Variants in ST3GAL3 observed in about 807,000 individuals in gnomAD.
ST3GAL3 encodes the protein CMP-N-acetylneuraminate-beta-1,4-galactoside alpha-2,3-sialyltransferase.
Under a neutral mutation model 50.1 loss-of-function variants are expected in ST3GAL3, and 21 were observed. That is an observed-to-expected ratio of 0.42 (90% CI 0.30 to 0.60). The LOEUF (loss-of-function observed/expected upper bound fraction) is 0.60. Ranked by LOEUF, ST3GAL3 falls within the 20% of genes least tolerant of loss-of-function variation. ST3GAL3 has a pLI of 0.19. For synonymous variants in ST3GAL3, 183 were observed against 190.0 expected (o/e 0.96, Z 0.30); for missense variants, 353 against 489.4 (o/e 0.72, Z 2.63).
intron 1 of ST3GAL3, among the ~76,000 whole-genome samples, chr1:43,714,751 C>T (rs753897997): frequency 6.6e-6 from 1 of 152,218 alleles, no homozygotes; most frequent in East Asian, 1.9e-4. Flanking sequence ...CACTTCTCCT[C>T]GGCCTGTCAT....
At chr1:43,718,353 C>A (rs1191227169) in intron 1 of ST3GAL3, among the ~76,000 whole-genome samples, 2 of 151,222 alleles carry the variant, frequency 1.3e-5, no homozygotes, top group African/African-American at 4.9e-5. Flanking sequence ...CCATGCCCAG[C>A]TAATTTTTTG....
chr1:43,750,894 G>C (rs1345883322), intron 2 of ST3GAL3, among the ~76,000 whole-genome samples: 1 of 151,806 alleles, frequency 6.6e-6, no homozygotes, highest in East Asian at 1.9e-4. Context: ...AAAAAAAAAA[G>C]CTATCTTTTA....
At chr1:43,909,150 C>A (rs548577952) in intron 9 of ST3GAL3, among the ~76,000 whole-genome samples, 22 of 152,312 alleles carry the variant, frequency 1.4e-4, no homozygotes, top group African/African-American at 5.1e-4. Context: ...AGTAAATAAG[C>A]AGATGTGGAA....
chr1:43,738,583 A>G (rs1246904675), intron 2 of ST3GAL3: 2 of 151,748 alleles, frequency 1.3e-5, no homozygotes, highest in Non-Finnish European at 1.5e-5. Flanking sequence ...TGTAGCCTCA[A>G]CCTGCCAGGC....
intron 2 of ST3GAL3, among the ~76,000 whole-genome samples, chr1:43,760,946 T>C (rs1690090212): frequency 6.6e-6 from 1 of 152,234 alleles, no homozygotes; most frequent in Non-Finnish European, 1.5e-5. Context: ...GAAAACATTA[T>C]GCTGAGAGAA....
rs571260580 is a variant in ST3GAL3 at position 43,902,556 on chromosome 1, A to G, written c.744+2829A>G. On this transcript the variant is annotated intron_variant, in intron 9 of 11. Coordinates refer to ENST00000347631, the MANE Select transcript of ST3GAL3 (RefSeq NM_006279.5). ...CCTGACTCACTGGACAGTGGCACTGATATCTCCAAACAGGTTACAAAAAGG... is the reference window on the plus strand; with the variant it reads ...CCTGACTCACTGGACAGTGGCACTGGTATCTCCAAACAGGTTACAAAAAGG... 3.9e-5 allele frequency among the ~76,000 whole-genome samples: 6 copies of G among 152,284 alleles called. No homozygotes were observed. In the East Asian group the frequency reaches 1.2e-3, roughly 29 times the overall value.
At chr1:43,721,906 T>G (rs761781285) in intron 1 of ST3GAL3, among the ~76,000 whole-genome samples, 1 of 152,146 alleles carries the variant, frequency 6.6e-6, no homozygotes, top group Admixed American at 6.5e-5. Context: ...GGCCCCCTCA[T>G]GTATTTTTTT....
At chr1:43,731,575 T>TA (rs1433737776) in intron 1 of ST3GAL3, among the ~76,000 whole-genome samples, 1 of 150,106 alleles carries the variant, frequency 6.7e-6, no homozygotes, top group African/African-American at 2.4e-5. Flanking sequence ...TTTTTTTTTT[T>TA]TTTAGTAGAG....
chr1:43,740,165 C>T (rs1198747323), intron 2 of ST3GAL3, among the ~76,000 whole-genome samples: 1 of 151,796 alleles, frequency 6.6e-6, no homozygotes, highest in Non-Finnish European at 1.5e-5. Flanking sequence ...AGATCGAGAC[C>T]ATCCTGGCTA....
At chr1:43,811,308 TGGAG>T (rs1414045147) in intron 3 of ST3GAL3, among the ~76,000 whole-genome samples, 1 of 152,128 alleles carries the variant, frequency 6.6e-6, no homozygotes, top group Non-Finnish European at 1.5e-5. Flanking sequence ...TGATTGCTGT[TGGAG>T]GGAGAGAGAA....
At chr1:43,714,923 C>T (rs1557970784) in intron 1 of ST3GAL3, among the ~76,000 whole-genome samples, 2 of 152,206 alleles carry the variant, frequency 1.3e-5, no homozygotes, top group Non-Finnish European at 2.9e-5. Context: ...TCCTGTAGAA[C>T]TTAATTTATG....
At chr1:43,928,375 TG>T (rs1356017802) in intron 11 of ST3GAL3, among the ~76,000 whole-genome samples, 3 of 151,956 alleles carry the variant, frequency 2.0e-5, no homozygotes, top group Non-Finnish European at 4.4e-5. Context: ...CTGAGGCTGG[TG>T]GATCACAAGG....
intron 2 of ST3GAL3, among the ~76,000 whole-genome samples, chr1:43,782,090 G>A (rs997998086): frequency 6.6e-6 from 1 of 152,168 alleles, no homozygotes; most frequent in African/African-American, 2.4e-5. Flanking sequence ...GAAATCGCCA[G>A]TAGCATCCTA....
In ST3GAL3 at chr1:43,851,280, T is replaced by C. The variant is rs1033820162; in HGVS notation, c.302+12969T>C. The C allele has an allele frequency of 2.5e-6, 4 of 1,581,572 alleles. No individual in the cohort carries two copies. The Admixed American group carries it at 5.0e-5, about 20-fold the overall frequency. On this transcript the variant is annotated intron_variant, in intron 5 of 11. Coordinates refer to ENST00000347631, the MANE Select transcript of ST3GAL3 (RefSeq NM_006279.5). Reference sequence around the variant, plus strand: ...GCAGAGATTTTCTTCTTGTCTGTCATGAACCCGTGGGTCAGGTGACCCCCA... The same window carrying C: ...GCAGAGATTTTCTTCTTGTCTGTCACGAACCCGTGGGTCAGGTGACCCCCA...
intron 5 of ST3GAL3, among the ~76,000 whole-genome samples, chr1:43,856,889 T>C (rs1382586247): frequency 6.6e-6 from 1 of 152,200 alleles, no homozygotes; most frequent in Non-Finnish European, 1.5e-5. Flanking sequence ...TCCTCTTTGC[T>C]CTATCTTCCA....
At chr1:43,764,615 C>T (rs538652564) in intron 2 of ST3GAL3, among the ~76,000 whole-genome samples, 2 of 152,150 alleles carry the variant, frequency 1.3e-5, no homozygotes, top group Non-Finnish European at 2.9e-5. Flanking sequence ...AAAATCGGGC[C>T]GTGATTCAGT....
intron 2 of ST3GAL3, among the ~76,000 whole-genome samples, chr1:43,742,096 T>C (rs1232011385): frequency 6.6e-6 from 1 of 152,162 alleles, no homozygotes; most frequent in African/African-American, 2.4e-5. Context: ...GCTTACCATA[T>C]AGACAGCAGC....
In ST3GAL3 at chr1:43,731,797, A is replaced by G. The variant is rs191148690; in HGVS notation, c.-30-4436A>G. On this transcript the variant is annotated intron_variant, in intron 1 of 11. Transcript: ENST00000347631. ...TCCACCCACCTTGGCCTCCCAAAGT[A>G]CTGTGATTACAGGCATGAGCCACTA... Among the ~76,000 whole-genome samples, 14 of 151,864 alleles carry G rather than the reference A, an allele frequency of 9.2e-5. No individual in the cohort carries two copies. The East Asian group carries it at 2.7e-3, about 30-fold the overall frequency.
intron 5 of ST3GAL3, among the ~76,000 whole-genome samples, chr1:43,862,742 T>C (rs1401206907): frequency 1.7e-5 from 2 of 116,386 alleles, no homozygotes; most frequent in Non-Finnish European, 1.7e-5. Context: ...ACTCTGTCTC[T>C]ACCAAAAAAA....
Sources: allele counts gnomAD v4.1 joint callset (sites outside exome capture counted in the v4.1 genomes callset), GRCh38; gene constraint gnomAD v4.1.1; transcripts MANE v1.5; gene names NCBI Gene and HGNC (gene_info 2026-07-23, HGNC 2026-07-21).